Variants in CCDC102B observed in about 807,000 individuals in gnomAD.
The protein encoded by CCDC102B is coiled-coil domain containing 102B.
Under a neutral mutation model 57.4 loss-of-function variants are expected in CCDC102B, and 75 were observed. The observed-to-expected ratio is 1.31, with a 90% CI of 1.08 to 1.58. The LOEUF is 1.58. Among genes scored for constraint, CCDC102B ranks in the 40% most tolerant of loss-of-function variants. The probability of loss-of-function intolerance (pLI) is 0.00; values close to 1 mark genes in which losing one functional copy is unlikely to be tolerated. For missense variants in CCDC102B, 636 were observed against 582.6 expected, an observed-to-expected ratio of 1.09 and a Z score of -0.94; for synonymous variants, 206 against 201.9, an observed-to-expected ratio of 1.02 and a Z score of -0.17.
At chr18:69,016,056 G>A (rs2051658018) in intron 7 of CCDC102B, among the ~76,000 whole-genome samples, 1 of 150,020 alleles carries the variant, frequency 6.7e-6, no homozygotes, top group African/African-American at 2.5e-5. Context: ...GTAGAGACGG[G>A]GTTTCAACAT....
At chr18:68,909,185 A>G (rs1408554439) in intron 6 of CCDC102B, among the ~76,000 whole-genome samples, 7 of 1,396 alleles carry the variant, frequency 5.0e-3, no homozygotes, top group Non-Finnish European at 9.1e-3. Flanking sequence ...GAGGAAGGGA[A>G]AAAAAAAGCA....
intron 7 of CCDC102B, among the ~76,000 whole-genome samples, chr18:69,029,722 G>A (rs1169888620): frequency 6.6e-6 from 1 of 152,140 alleles, no homozygotes; most frequent in Non-Finnish European, 1.5e-5. Flanking sequence ...TGTATTGATA[G>A]GTTAAAAAGG....
chr18:68,956,459 T>TAA (rs2049876630), intron 6 of CCDC102B, among the ~76,000 whole-genome samples: 2 of 8,410 alleles, frequency 2.4e-4, no homozygotes, highest in Non-Finnish European at 3.7e-4. Flanking sequence ...ATATTATATA[T>TAA]TTTATATATA....
upstream of CCDC102B, among the ~76,000 whole-genome samples, chr18:68,797,462 G>T (rs2035671849): frequency 6.6e-6 from 1 of 151,898 alleles, no homozygotes; most frequent in Admixed American, 6.6e-5. Context: ...TGACAGCTGA[G>T]TCATGTCAAT....
intron 6 of CCDC102B, among the ~76,000 whole-genome samples, chr18:68,954,126 A>C (rs2049777487): frequency 6.6e-6 from 1 of 152,102 alleles, no homozygotes; most frequent in African/African-American, 2.4e-5. Flanking sequence ...TCCTGTGTTA[A>C]AGAAGAAAGT....
chr18:69,053,963 C>A, intron 7 of CCDC102B, 67 bp from the exon 8 acceptor site: 1 of 1,248,176 alleles, frequency 8.0e-7, no homozygotes, highest in Non-Finnish European at 1.1e-6. Context: ...ATGTTATTTA[C>A]TATAGCCACC....
intron 4 of CCDC102B, among the ~76,000 whole-genome samples, chr18:68,874,160 GTGTGTGTGTA>G (rs1451913459): frequency 4.2e-4 from 48 of 114,370 alleles, no homozygotes; most frequent in East Asian, 2.9e-3. Context: ...AGCCCAAGCA[GTGTGTGTGTA>G]TGTGTGTGTG....
chr18:68,744,196 A>G (rs1390961865), intron 2 of CCDC102B, among the ~76,000 whole-genome samples: 1 of 152,184 alleles, frequency 6.6e-6, no homozygotes, highest in East Asian at 1.9e-4. Context: ...TGAAATTCTT[A>G]ACTGGACACA....
At chr18:68,987,812 A>G (rs965322024) in intron 6 of CCDC102B, among the ~76,000 whole-genome samples, 11 of 152,194 alleles carry the variant, frequency 7.2e-5, no homozygotes, top group African/African-American at 2.7e-4. Flanking sequence ...CTAATCACTA[A>G]TCATCAGAGA....
intron 2 of CCDC102B, among the ~76,000 whole-genome samples, chr18:68,723,384 G>A (rs544554286): frequency 3.4e-4 from 52 of 152,068 alleles, no homozygotes; most frequent in African/African-American, 9.9e-4. Flanking sequence ...AGCCCCCTAC[G>A]TCAGCTCATT....
At chr18:68,785,558 T>C (rs2035174527) in intron 2 of CCDC102B, among the ~76,000 whole-genome samples, 1 of 151,404 alleles carries the variant, frequency 6.6e-6, no homozygotes, top group African/African-American at 2.4e-5. Context: ...TGGTTTTGAT[T>C]TACGTTTCTC....
chr18:68,942,488 G>A (rs2049406208), intron 6 of CCDC102B, among the ~76,000 whole-genome samples: 1 of 151,988 alleles, frequency 6.6e-6, no homozygotes, highest in Admixed American at 6.6e-5. Flanking sequence ...AATGTGGCAG[G>A]ACAATAGGGT....
chr18:68,954,525 GT>G (rs2049791263), intron 6 of CCDC102B, among the ~76,000 whole-genome samples: 1 of 152,130 alleles, frequency 6.6e-6, no homozygotes, highest in South Asian at 2.1e-4. Flanking sequence ...TTTAAAAGGG[GT>G]TTTGTATTCC....
At chr18:68,992,825 C>G in intron 6 of CCDC102B, 1 of 163,950 alleles carries the variant, frequency 6.1e-6, no homozygotes. Context: ...CGTGGTCATG[C>G]AGCAGCACAG....
At chr18:68,937,443 C>T (rs2049270206) in intron 6 of CCDC102B, among the ~76,000 whole-genome samples, 1 of 151,976 alleles carries the variant, frequency 6.6e-6, no homozygotes, top group African/African-American at 2.4e-5. Context: ...CATATGCTGA[C>T]AAATGATCCC....
chr18:68,884,899 G>A (rs953509629), intron 5 of CCDC102B, among the ~76,000 whole-genome samples: 2 of 151,656 alleles, frequency 1.3e-5, no homozygotes, highest in Non-Finnish European at 2.9e-5. Flanking sequence ...CAAAAAATAG[G>A]TAACTATGTG....
intron 1 of CCDC102B, among the ~76,000 whole-genome samples, chr18:68,817,006 G>A (rs1343812263): frequency 6.6e-6 from 1 of 152,190 alleles, no homozygotes; most frequent in Non-Finnish European, 1.5e-5. Context: ...AGAAAACAGT[G>A]AGTTGTGTTC....
In CCDC102B at chr18:68,951,793, G is replaced by A. The variant is rs1161662912; in HGVS notation, c.1263+54365G>A. On this transcript the variant is annotated intron_variant, in intron 6 of 7. Coordinates refer to ENST00000360242, the MANE Select transcript of CCDC102B (RefSeq NM_024781.3). ...ACTACACTCCAGCCTGGGCAACAGA[G>A]TGAGACCCTGTCAAAAAAAAAAAAG... Among the ~76,000 whole-genome samples the A allele has an allele frequency of 2.0e-5, 3 of 149,364 alleles. No homozygotes were observed. The East Asian group carries it at 6.1e-4, about 30-fold the overall frequency.
rs750339539 is a variant in CCDC102B, at chr18:68,762,325, T to C, written c.-67+45731T>C. 5.9e-5 allele frequency among the ~76,000 whole-genome samples: 9 copies of C among 152,272 alleles called. No homozygotes were observed. In the South Asian group the frequency reaches 1.2e-3, roughly 21 times the overall value. ...TGTATTGTTGTTTGGGATTAAATAA[T>C]TTATTATAACTAAATTTTGAAATAT... On this transcript the variant is annotated intron_variant, in intron 2 of 3. Transcript: ENST00000578970.
Sources: allele counts gnomAD v4.1 joint callset (sites outside exome capture counted in the v4.1 genomes callset), GRCh38; gene constraint gnomAD v4.1.1; transcripts MANE v1.5; gene names NCBI Gene and HGNC (gene_info 2026-07-23, HGNC 2026-07-21).